OCA2: variants seen among roughly 807,000 people sequenced by gnomAD.
OCA2 encodes the protein P protein.
In OCA2, 77 loss-of-function variants were observed where a neutral mutation model predicts 100.2. The ratio of observed to expected loss-of-function variants is 0.77; its 90% CI spans 0.64 to 0.93. OCA2 has a LOEUF of 0.93. OCA2 is among the 40% of genes least tolerant of loss of function. The pLI is 0.00. For synonymous variants in OCA2, 432 were observed against 439.2 expected (o/e 0.98, Z 0.21); for missense variants, 1,062 against 1,089.1 (o/e 0.98, Z 0.35).
chr15:27,901,310 C>A (rs1221832065), intron 19 of OCA2, among the ~76,000 whole-genome samples: 1 of 152,228 alleles, frequency 6.6e-6, no homozygotes, highest in Non-Finnish European at 1.5e-5. Flanking sequence ...AGCCTTCTCC[C>A]CAGCCCTGCT....
chr15:27,792,024 A>C (rs2033106379), intron 23 of OCA2, among the ~76,000 whole-genome samples: 1 of 152,092 alleles, frequency 6.6e-6, no homozygotes. Flanking sequence ...GTGTGTCTCC[A>C]CTTCCCATTG....
chr15:27,888,597 GAT>G (rs2037325162), intron 19 of OCA2, among the ~76,000 whole-genome samples: 1 of 151,776 alleles, frequency 6.6e-6, no homozygotes, highest in Non-Finnish European at 1.5e-5. Context: ...AGAAACAAAA[GAT>G]ATAGAAAAAA....
At chr15:27,854,751 A>G (rs1202476358) in intron 21 of OCA2, among the ~76,000 whole-genome samples, 5 of 152,142 alleles carry the variant, frequency 3.3e-5, no homozygotes, top group Non-Finnish European at 5.9e-5. Context: ...ACACACACAC[A>G]TCACTGTGAG....
At chr15:27,895,709 G>T in intron 19 of OCA2, 1 of 233,518 alleles carries the variant, frequency 4.3e-6, no homozygotes, top group Non-Finnish European at 8.6e-6. Context: ...GCAGGATGGG[G>T]TTTGTAAAGT....
intron 18 of OCA2, among the ~76,000 whole-genome samples, chr15:27,927,582 GC>G (rs559308065): frequency 1.7e-3 from 260 of 152,230 alleles, no homozygotes; most frequent in African/African-American, 5.8e-3. Flanking sequence ...CAACATTTAT[GC>G]TTTAGGAAAC....
intron 21 of OCA2, among the ~76,000 whole-genome samples, chr15:27,860,562 T>C (rs112176622): frequency 3.9e-4 from 60 of 152,358 alleles, no homozygotes; most frequent in African/African-American, 1.4e-3. Context: ...TTTGGTTTTC[T>C]GTTTCTGTGT....
chr15:28,052,151 C>A (rs926790443), intron 2 of OCA2, among the ~76,000 whole-genome samples: 2 of 152,124 alleles, frequency 1.3e-5, no homozygotes, highest in Admixed American at 6.5e-5. Context: ...ACTGCAAAGC[C>A]CCAGCTCAGC....
intron 2 of OCA2, among the ~76,000 whole-genome samples, chr15:28,069,049 T>A (rs1017333178): frequency 2.0e-5 from 3 of 151,956 alleles, no homozygotes; most frequent in Admixed American, 6.6e-5. Context: ...GGATGCACAT[T>A]TTCACCACTC....
chr15:27,840,442 T>G, intron 23 of OCA2, among the ~76,000 whole-genome samples: 1 of 152,318 alleles, frequency 6.6e-6, no homozygotes, highest in South Asian at 2.1e-4. Flanking sequence ...TACCAGTATT[T>G]TTAGGGTAAT....
At chr15:28,063,055 A>G (rs968619087) in intron 2 of OCA2, among the ~76,000 whole-genome samples, 2 of 152,130 alleles carry the variant, frequency 1.3e-5, no homozygotes, top group Admixed American at 6.5e-5. Flanking sequence ...GCATTTCTCT[A>G]TGACTTGCAG....
In OCA2 at chr15:27,850,826, G is replaced by A. The variant is rs146819923; in HGVS notation, c.2338+556C>T. Among the ~76,000 whole-genome samples, 919 of 152,214 alleles carry A rather than the reference G, an allele frequency of 6.0e-3. 16 individuals are homozygous for A. The highest frequency in any genetic ancestry group is 0.021 in the African/African-American group (860 of 41,516). Reference sequence around the variant, plus strand: ...TGATCAGGCTTCTTAGCTGTGAGAAGGACTCCCCCGCTGTTCTCTCCACAG... The same window carrying A: ...TGATCAGGCTTCTTAGCTGTGAGAAAGACTCCCCCGCTGTTCTCTCCACAG... On this transcript the variant is annotated intron_variant, in intron 22 of 23. Transcript: ENST00000354638.
At chr15:28,056,509 C>T (rs759294986) in intron 2 of OCA2, among the ~76,000 whole-genome samples, 3 of 152,260 alleles carry the variant, frequency 2.0e-5, no homozygotes, top group Admixed American at 6.5e-5. Flanking sequence ...CGGTTGCCCT[C>T]CCTGCTCAGG....
At chr15:27,792,910 G>A (rs1405647850) in intron 23 of OCA2, among the ~76,000 whole-genome samples, 1 of 152,216 alleles carries the variant, frequency 6.6e-6, no homozygotes, top group Non-Finnish European at 1.5e-5. Flanking sequence ...GGCCCACCTT[G>A]CCCAGAGGTC....
chr15:28,011,106 T>C (rs957694192), intron 9 of OCA2, among the ~76,000 whole-genome samples: 2 of 152,218 alleles, frequency 1.3e-5, no homozygotes, highest in African/African-American at 4.8e-5. Context: ...TAAATGATGC[T>C]GGCCCAGTTG....
chr15:27,856,280 C>T (rs1470748049), intron 21 of OCA2, among the ~76,000 whole-genome samples: 1 of 152,126 alleles, frequency 6.6e-6, no homozygotes, highest in Non-Finnish European at 1.5e-5. Context: ...CCAAAGTACC[C>T]GGGGTTAGGA....
chr15:27,849,698 C>T (rs193032500), intron 22 of OCA2, among the ~76,000 whole-genome samples: 1 of 152,268 alleles, frequency 6.6e-6, no homozygotes, highest in East Asian at 1.9e-4. Flanking sequence ...GAAAGAGCTT[C>T]AGCCTGGGCT....
At chr15:28,056,054 C>T (rs1490236189) in intron 2 of OCA2, among the ~76,000 whole-genome samples, 6 of 152,010 alleles carry the variant, frequency 3.9e-5, no homozygotes, top group Non-Finnish European at 7.4e-5. Flanking sequence ...CCCTGGTCCC[C>T]TGCACTCCAG....
At chr15:27,807,699 T>C (rs1406021481) in intron 23 of OCA2, among the ~76,000 whole-genome samples, 1 of 152,184 alleles carries the variant, frequency 6.6e-6, no homozygotes, top group Non-Finnish European at 1.5e-5. Context: ...AAATGGACTT[T>C]AAAAATAATC....
intron 18 of OCA2, among the ~76,000 whole-genome samples, chr15:27,926,825 G>A (rs2039060157): frequency 6.6e-6 from 1 of 152,000 alleles, no homozygotes; most frequent in African/African-American, 2.4e-5. Flanking sequence ...TGTTGACCAG[G>A]CTGGTCTCAC....
Sources: gnomAD v4.1 joint callset for allele counts (sites outside exome capture counted in the v4.1 genomes callset) on GRCh38, gnomAD v4.1.1 for gene constraint, MANE v1.5 for transcripts, NCBI Gene and HGNC (gene_info 2026-07-23, HGNC 2026-07-21) for gene names.